KRT36: variants seen among roughly 807,000 people sequenced by gnomAD.
KRT36 encodes keratin 36, also known as keratin, type I cuticular Ha6.
Under a neutral mutation model 43.0 loss-of-function variants are expected in KRT36, and 41 were observed. The ratio of observed to expected loss-of-function variants is 0.95; its 90% confidence interval spans 0.74 to 1.24. The LOEUF (loss-of-function observed/expected upper bound fraction) is 1.24, where lower values mean the gene tolerates loss of function less well. KRT36 is among the 50% of genes most tolerant of loss of function. The pLI, the probability that KRT36 is intolerant of heterozygous loss-of-function variation, is 0.00. For missense variants in KRT36, 627 were observed against 595.3 expected, an observed-to-expected ratio of 1.05 and a Z score of -0.55; for synonymous variants, 277 against 252.9, an observed-to-expected ratio of 1.10 and a Z score of -0.90.
intron 3 of KRT36, 56 bp downstream of exon 3, chr17:41,488,187 A>G: frequency 6.4e-7 from 1 of 1,555,998 alleles, no homozygotes; most frequent in Non-Finnish European, 8.8e-7. Context: ...AAAGCCCAGC[A>G]GTGGCTTCCT....
chr17:41,486,496 G>T lies in KRT36; in HGVS notation c.1284C>A (p.Val428=). 1 of 1,612,986 alleles carries T rather than the reference G, an allele frequency of 6.2e-7. No individual in the cohort carries two copies. The highest frequency in any genetic ancestry group is 8.5e-7 in the Non-Finnish European group (1 of 1,179,622). The change falls in exon 7 of 7, where the codon GTC becomes GTA. Residue 428 remains valine (V), a synonymous_variant. Coordinates refer to ENST00000328119, the MANE Select transcript of KRT36 (RefSeq NM_003771.5). The stretch of plus-strand genomic sequence containing the variant: ...GAGCCGGGGTGCAGGGCACAGAGGG[G>T]ACACAGGGCACCGGGGGGACAGAAG... ...RVPSVPPVPC[V]PSVPCTPAPQ...
chr17:41,487,240 G>A (rs1343657899), intron 5 of KRT36, 70 bp from the exon 6 acceptor site: 6 of 1,579,516 alleles, frequency 3.8e-6, no homozygotes, highest in Admixed American at 1.7e-5. Flanking sequence ...CACAGCCCTG[G>A]GCATCTGCCT....
chr17:41,488,394 T>G lies in KRT36; in HGVS notation c.548A>C (p.Glu183Ala). Reference sequence around the variant, plus strand: ...TAGCTGCCGCAGAGACAGCTCTGTCTCATACCTGCACACACAGAACCCTGC... The same window carrying G: ...TAGCTGCCGCAGAGACAGCTCTGTCGCATACCTGCACACACAGAACCCTGC... ...LAADDFRTKY[E>A]TELSLRQLVE... Residue 183 changes from glutamate (E) to alanine (A), a missense_variant, in exon 3 of 7, where the codon GAG (glutamate) becomes GCG (alanine). Physicochemically the swap from Glu to Ala is moderately radical, Grantham distance 107. Coordinates refer to ENST00000328119, the MANE Select transcript of KRT36 (RefSeq NM_003771.5). 1 of 1,613,850 alleles carries G rather than the reference T, an allele frequency of 6.2e-7. No individual in the cohort carries two copies. The highest frequency in any genetic ancestry group is 8.5e-7 in the Non-Finnish European group (1 of 1,179,832).
At chr17:41,487,527 G>A (rs1435859583) in intron 4 of KRT36, 49 bp downstream of exon 4, 8 of 1,612,932 alleles carry the variant, frequency 5.0e-6, no homozygotes, top group African/African-American at 1.3e-5. Context: ...CTACTTCCAA[G>A]GGTAACCCCA....
In KRT36 at chr17:41,489,822, T is replaced by G. The variant is rs1904520167; in HGVS notation, c.43A>C (p.Ile15Leu). ...CCTGCTGTGCCACAGAGGCCCTTGA[T>G]AGACCCAGTGGAGAAGGTAGGGGTG... Reference protein sequence around the residue: ...TCTPTFSTGSIKGLCGTAGGI... With the variant: ...TCTPTFSTGSLKGLCGTAGGI... Residue 15 changes from isoleucine (I) to leucine (L), a missense_variant, in exon 1 of 7, where the codon ATC (isoleucine) becomes CTC (leucine). Physicochemically the swap from Ile to Leu is conservative, Grantham distance 5. Transcript: ENST00000328119. The G allele has an allele frequency of 6.2e-7, 1 of 1,613,268 alleles. No individual in the cohort carries two copies. The highest frequency in any genetic ancestry group is 8.5e-7 in the Non-Finnish European group (1 of 1,179,924).
In KRT36 at chr17:41,486,410, G is replaced by A. The variant is rs1382245888; in HGVS notation, c.1370C>T (p.Ser457Phe). ...TEEIRDGKVI[S>F]SREHVQSRPL ...GCGGGACTGCACGTGCTCCCTGGAG[G>A]AGATGACTTTCCCATCTCTGATCTC... The change falls in exon 7 of 7, where the codon TCC becomes TTC. Residue 457 changes from serine (S) to phenylalanine (F), a missense_variant. Transcript: ENST00000328119. 10 of 1,613,442 alleles carry A rather than the reference G, an allele frequency of 6.2e-6. No homozygotes were observed. Among genetic ancestry groups the A allele is most frequent in the Non-Finnish European group, 8.5e-6 (10 of 1,179,630 alleles).
chr17:41,488,431 C>A, intron 2 of KRT36, 32 bp from the exon 3 acceptor site: 1 of 1,606,294 alleles, frequency 6.2e-7, no homozygotes, highest in Non-Finnish European at 8.5e-7. Context: ...AAGTCTGCAG[C>A]AAAGGAAACC....
intron 6 of KRT36, 121 bp from the exon 7 acceptor site, chr17:41,486,692 A>G: frequency 1.2e-6 from 1 of 822,066 alleles, no homozygotes; most frequent in East Asian, 2.7e-5. Context: ...GTGCCTCTGA[A>G]TTCCCCAAGG....
chr17:41,489,847 G>A lies in KRT36; in HGVS notation c.18C>T (p.Cys6=). Residue 6 remains cysteine, a synonymous_variant, in exon 1 of 7, where the codon TGC becomes TGT. Coordinates refer to ENST00000328119, the MANE Select transcript of KRT36 (RefSeq NM_003771.5). ...TAGACCCAGTGGAGAAGGTAGGGGTGCAGGTCTGGGTGGCCATGGTGCTAG... is the reference window on the plus strand; with the variant it reads ...TAGACCCAGTGGAGAAGGTAGGGGTACAGGTCTGGGTGGCCATGGTGCTAG... MATQT[C]TPTFSTGSIK... is the part of the protein sequence containing the mutation. 6.2e-7 allele frequency: 1 copy of A among 1,612,692 alleles called. No individual in the cohort carries two copies. The highest frequency in any genetic ancestry group is 1.1e-5 in the South Asian group (1 of 91,062).
chr17:41,489,441 A>C lies in KRT36; in HGVS notation c.424T>G (p.Ser142Ala). The C allele has an allele frequency of 1.9e-6, 3 of 1,614,150 alleles. No individual in the cohort carries two copies. In the South Asian group the frequency reaches 3.3e-5, roughly 18 times the overall value. ...AAATCTTCGATGGTCTTGAAGTAGG[A>C]CTGGTAGTCTGGGCAGATGTATGGG... is the stretch of plus-strand genomic sequence containing the variant. ...QIPYICPDYQ[S>A]YFKTIEDFQQ... Residue 142 changes from serine (S) to alanine (A), a missense_variant, in exon 1 of 7, where the codon TCC becomes GCC. Physicochemically the swap from Ser to Ala is moderately conservative, Grantham distance 99 (BLOSUM62 1). Transcript: ENST00000328119.
chr17:41,489,362 A>G (rs1379096093), intron 1 of KRT36, 44 bp downstream of exon 1: 1 of 1,584,382 alleles, frequency 6.3e-7, no homozygotes. Flanking sequence ...GACGCCTCCT[A>G]AGAGTTGGGC....
rs749916148 is a variant in KRT36, at chr17:41,489,518, C to T, written c.347G>A (p.Arg116Gln). 15 of 1,614,106 alleles carry T rather than the reference C, an allele frequency of 9.3e-6. No homozygotes were observed. Among genetic ancestry groups the T allele is most frequent in the African/African-American group, 8.0e-5 (6 of 74,932 alleles). The change falls in exon 1 of 7, where the codon CGG becomes CAG. Residue 116 changes from arginine to glutamine, a missense_variant. Transcript: ENST00000328119. ...NYLEKVRQLE[R>Q]ENAELESRIQ... Reference sequence around the variant, plus strand: ...GCGGCTCTCCAGCTCCGCGTTCTCCCGCTCCAGCTGACGCACCTTCTCCAG... The same window carrying T: ...GCGGCTCTCCAGCTCCGCGTTCTCCTGCTCCAGCTGACGCACCTTCTCCAG...
chr17:41,489,509 G>A lies in KRT36; in HGVS notation c.356C>T (p.Ala119Val), dbSNP rs8082683. Residue 119 changes from alanine to valine, a missense_variant, in exon 1 of 7, where the codon GCG (alanine) becomes GTG (valine). Coordinates refer to ENST00000328119, the MANE Select transcript of KRT36 (RefSeq NM_003771.5). ...EKVRQLEREN[A>V]ELESRIQEWY... ...CTCCTGGATGCGGCTCTCCAGCTCC[G>A]CGTTCTCCCGCTCCAGCTGACGCAC... 7,302 of 1,614,150 alleles carry A rather than the reference G, an allele frequency of 4.5e-3. 282 individuals are homozygous for A. The African/African-American group carries it at 0.088, about 19-fold the overall frequency.
chr17:41,488,154 A>T, intron 3 of KRT36, 89 bp downstream of exon 3: 1 of 1,280,276 alleles, frequency 7.8e-7, no homozygotes, highest in Non-Finnish European at 1.1e-6. Context: ...GCCTTTGTAT[A>T]GTTCCTGCCG....
chr17:41,488,054 A>C (rs1904454936), intron 3 of KRT36, among the ~76,000 whole-genome samples, 189 bp downstream of exon 3: 1 of 152,272 alleles, frequency 6.6e-6, no homozygotes, highest in African/African-American at 2.4e-5. Flanking sequence ...CTTTGTGCCT[A>C]AGTTTTCTCA....
chr17:41,486,327 G>T lies in KRT36; in HGVS notation c.*49C>A. On this transcript the variant is annotated 3_prime_UTR_variant, in exon 7 of 7. Coordinates refer to ENST00000328119, the MANE Select transcript of KRT36 (RefSeq NM_003771.5). ...TTAAGCCTCCAGGAGCCACAGGGGT[G>T]TCCTCCTTCCTGTGGTCAGGGCCCT... The T allele has an allele frequency of 6.5e-7, 1 of 1,546,924 alleles. No homozygotes were observed.
intron 1 of KRT36, 83 bp from the exon 2 acceptor site, chr17:41,488,807 C>T (rs916813987): frequency 3.1e-5 from 35 of 1,138,924 alleles, no homozygotes; most frequent in Non-Finnish European, 4.1e-5. Context: ...CTCACAGAGG[C>T]CATGCCACTG....
intron 6 of KRT36, 133 bp downstream of exon 6, chr17:41,486,817 G>A (rs1212197189): frequency 6.6e-5 from 55 of 832,966 alleles, no homozygotes; most frequent in Non-Finnish European, 1.8e-6. Context: ...CCAAAGCCTG[G>A]GACTAAATGG....
chr17:41,488,835 C>T (rs948213707), intron 1 of KRT36, 111 bp from the exon 2 acceptor site: 15 of 907,228 alleles, frequency 1.7e-5, no homozygotes, highest in Non-Finnish European at 2.7e-5. Context: ...CCAGCCCCTT[C>T]ACCATTTCCA....
Sources: gnomAD v4.1 joint callset for allele counts (sites outside exome capture counted in the v4.1 genomes callset) on GRCh38, gnomAD v4.1.1 for gene constraint, MANE v1.5 for transcripts, NCBI Gene and HGNC (gene_info 2026-07-23, HGNC 2026-07-21) for gene names.